ROCK2: variants seen among roughly 807,000 people sequenced by gnomAD.
The protein encoded by ROCK2 is Rho associated coiled-coil containing protein kinase 2, also known as rho-associated protein kinase 2.
Under a neutral mutation model 195.1 loss-of-function variants are expected in ROCK2, and 61 were observed. That is an observed-to-expected ratio of 0.31 (90% CI 0.25 to 0.39). The LOEUF is 0.39. ROCK2 is among the 10% of genes least tolerant of loss of function. ROCK2 has a pLI of 1.00. For missense variants in ROCK2, 1,109 were observed against 1,637.4 expected (o/e 0.68, Z 5.57); for synonymous variants, 504 against 545.5 (o/e 0.92, Z 1.06).
chr2:11,323,347 A>G (rs1186869370), intron 1 of ROCK2, among the ~76,000 whole-genome samples: 6 of 152,336 alleles, frequency 3.9e-5, no homozygotes, highest in East Asian at 1.9e-4. Flanking sequence ...TCTGCCCTAC[A>G]TATTTCACAA....
At chr2:11,257,829 G>C (rs1247409234) in intron 3 of ROCK2, among the ~76,000 whole-genome samples, 1 of 151,366 alleles carries the variant, frequency 6.6e-6, no homozygotes, top group Non-Finnish European at 1.5e-5. Flanking sequence ...AGCAGTAATA[G>C]TGATTTTTCT....
intron 1 of ROCK2, among the ~76,000 whole-genome samples, chr2:11,334,693 G>A (rs1479029838): frequency 7.1e-6 from 1 of 140,132 alleles, no homozygotes; most frequent in African/African-American, 2.4e-5. Context: ...ACACAATCAT[G>A]CAGGTAATTA....
intron 1 of ROCK2, among the ~76,000 whole-genome samples, chr2:11,333,732 C>T (rs576646338): frequency 6.6e-6 from 1 of 152,214 alleles, no homozygotes; most frequent in Non-Finnish European, 1.5e-5. Context: ...ACAGCCAATA[C>T]ACTATTTTAA....
chr2:11,315,316 T>C (rs1224455021), intron 1 of ROCK2, among the ~76,000 whole-genome samples: 1 of 152,066 alleles, frequency 6.6e-6, no homozygotes, highest in Non-Finnish European at 1.5e-5. Flanking sequence ...AATACTGCAG[T>C]GTATGCTTCA....
intron 3 of ROCK2, among the ~76,000 whole-genome samples, chr2:11,251,467 G>T (rs1266926655): frequency 1.3e-5 from 2 of 152,226 alleles, no homozygotes; most frequent in African/African-American, 4.8e-5. Context: ...GAGGCACAGA[G>T]ACATCAAACT....
At chr2:11,254,652 T>G (rs1217214817) in intron 3 of ROCK2, among the ~76,000 whole-genome samples, 1 of 138,154 alleles carries the variant, frequency 7.2e-6, no homozygotes, top group Admixed American at 8.5e-5. Context: ...CCCAGCACTT[T>G]GGGAAGCTGA....
intron 3 of ROCK2, among the ~76,000 whole-genome samples, chr2:11,273,765 A>G (rs1666729466): frequency 6.6e-6 from 1 of 152,146 alleles, no homozygotes; most frequent in Admixed American, 6.5e-5. Flanking sequence ...AAAAAGATAG[A>G]CATACAAAGT....
intron 1 of ROCK2, among the ~76,000 whole-genome samples, chr2:11,331,778 T>G (rs1162133862): frequency 2.0e-5 from 3 of 152,014 alleles, no homozygotes; most frequent in Non-Finnish European, 4.4e-5. Flanking sequence ...TACAAAAAAT[T>G]AGCCAGGCCT....
At chr2:11,257,212 C>A (rs1029569649) in intron 3 of ROCK2, among the ~76,000 whole-genome samples, 2 of 151,356 alleles carry the variant, frequency 1.3e-5, no homozygotes, top group African/African-American at 4.9e-5. Flanking sequence ...AGCCTCATGG[C>A]GGAGGAAGAC....
intron 1 of ROCK2, among the ~76,000 whole-genome samples, chr2:11,341,907 G>A (rs1339137222): frequency 1.3e-5 from 2 of 152,016 alleles, no homozygotes; most frequent in Non-Finnish European, 2.9e-5. Context: ...TTCCAGAGAC[G>A]GATAGTGGTG....
At chr2:11,221,448 AAC>A in intron 8 of ROCK2, 91 bp from the exon 9 acceptor site, 6 of 912,636 alleles carry the variant, frequency 6.6e-6, no homozygotes, top group Non-Finnish European at 9.1e-6. Flanking sequence ...ATTATTTAAT[AAC>A]ACTATATAAA....
intron 1 of ROCK2, among the ~76,000 whole-genome samples, chr2:11,323,424 T>C (rs1412641702): frequency 6.6e-6 from 1 of 152,182 alleles, no homozygotes; most frequent in Non-Finnish European, 1.5e-5. Flanking sequence ...ATCTCTCAGG[T>C]ACAGAATGAA....
intron 3 of ROCK2, among the ~76,000 whole-genome samples, chr2:11,274,500 T>C (rs1451597487): frequency 6.6e-6 from 1 of 152,118 alleles, no homozygotes; most frequent in African/African-American, 2.4e-5. Flanking sequence ...TGTTAACAAA[T>C]AGAATAACTT....
At chr2:11,324,302 G>A (rs1385266379) in intron 1 of ROCK2, among the ~76,000 whole-genome samples, 1 of 152,204 alleles carries the variant, frequency 6.6e-6, no homozygotes, top group Non-Finnish European at 1.5e-5. Flanking sequence ...GGGCATGGTG[G>A]TGAGTGCCTG....
At chr2:11,286,987 A>G (rs1374698185) in intron 2 of ROCK2, among the ~76,000 whole-genome samples, 2 of 152,210 alleles carry the variant, frequency 1.3e-5, no homozygotes, top group East Asian at 3.8e-4. Flanking sequence ...TTGCCATGAA[A>G]TTACTTGCAA....
chr2:11,327,926 T>C (rs1264627936), intron 1 of ROCK2, among the ~76,000 whole-genome samples: 2 of 152,190 alleles, frequency 1.3e-5, no homozygotes, highest in Non-Finnish European at 2.9e-5. Flanking sequence ...TTTGTTTTAT[T>C]TTGTTTTTGT....
chr2:11,215,168 G>T (rs1664383462), intron 15 of ROCK2, 82 bp from the exon 16 acceptor site: 3 of 1,538,958 alleles, frequency 1.9e-6, no homozygotes, highest in Non-Finnish European at 2.6e-6. Context: ...TCCCCCATTA[G>T]AAACTATTTA....
At chr2:11,283,900 G>T (rs1452150318) in intron 3 of ROCK2, among the ~76,000 whole-genome samples, 1 of 152,160 alleles carries the variant, frequency 6.6e-6, no homozygotes, top group African/African-American at 2.4e-5. Context: ...CAGCAATCAA[G>T]ATCCTTGGTA....
At chr2:11,228,827 G>T (rs964657826) in intron 5 of ROCK2, among the ~76,000 whole-genome samples, 9 of 151,930 alleles carry the variant, frequency 5.9e-5, no homozygotes. Flanking sequence ...AGCATTCAAA[G>T]GTTCAGAGGA....
Sources: allele counts gnomAD v4.1 joint callset (sites outside exome capture counted in the v4.1 genomes callset), GRCh38; gene constraint gnomAD v4.1.1; transcripts MANE v1.5; gene names NCBI Gene and HGNC (gene_info 2026-07-23, HGNC 2026-07-21).